Variants in DACH2 observed in about 807,000 individuals in gnomAD.
DACH2 encodes dachshund family transcription factor 2, also known as dachshund homolog 2.
In DACH2, 17 loss-of-function variants were observed where a neutral mutation model predicts 35.8. The ratio of observed to expected loss-of-function variants is 0.48; its 90% CI spans 0.33 to 0.71. The LOEUF (loss-of-function observed/expected upper bound fraction) is 0.71. DACH2 is among the 30% of genes least tolerant of loss of function. The pLI, the probability that DACH2 is intolerant of heterozygous loss-of-function variation, is 0.02. For synonymous variants in DACH2, 195 were observed against 177.3 expected (o/e 1.10, Z -0.79); for missense variants, 469 against 472.7 (o/e 0.99, Z 0.07).
chrX:86,223,180 A>C (rs192569422), intron 1 of DACH2, among the ~76,000 whole-genome samples: 1 of 112,067 alleles, frequency 8.9e-6, no homozygotes, highest in Admixed American at 9.5e-5. Flanking sequence ...GTAAGAGCTC[A>C]TTAATACCTC....
chrX:86,516,428 C>A (rs2038468163), intron 3 of DACH2, among the ~76,000 whole-genome samples: 2 of 110,992 alleles, frequency 1.8e-5, no homozygotes, highest in Non-Finnish European at 1.9e-5. Context: ...ATATTAAGTT[C>A]TTTTTATGTA....
At chrX:86,436,073 C>T (rs1165587592) in intron 2 of DACH2, among the ~76,000 whole-genome samples, 1 of 110,148 alleles carries the variant, frequency 9.1e-6, no homozygotes, top group Non-Finnish European at 1.9e-5. Flanking sequence ...TGAGGGAGAT[C>T]TATAATTCAT....
chrX:86,228,459 A>T (rs1276147350), intron 1 of DACH2, among the ~76,000 whole-genome samples: 1 of 105,483 alleles, frequency 9.5e-6, no homozygotes, highest in East Asian at 2.9e-4. Flanking sequence ...AGGAAAAAAA[A>T]AAAAGAAAAA....
chrX:86,721,560 A>C (rs989546051), intron 6 of DACH2, among the ~76,000 whole-genome samples: 4 of 111,764 alleles, frequency 3.6e-5, no homozygotes, highest in African/African-American at 1.3e-4. Context: ...GTCTCTAGAA[A>C]GTTCCAAACG....
intron 2 of DACH2, among the ~76,000 whole-genome samples, chrX:86,409,938 C>T (rs756992207): frequency 6.3e-5 from 7 of 111,884 alleles, no homozygotes; most frequent in Non-Finnish European, 9.4e-5. Context: ...CAAAGCAGTT[C>T]CCCAAAGGCA....
chrX:86,370,664 C>A (rs1268670763), intron 1 of DACH2, among the ~76,000 whole-genome samples: 1 of 111,526 alleles, frequency 9.0e-6, no homozygotes, highest in African/African-American at 3.3e-5. Context: ...ACAAAGATGA[C>A]ATAGCATTAA....
At chrX:86,280,717 C>T (rs1010524646) in intron 1 of DACH2, among the ~76,000 whole-genome samples, 7 of 111,690 alleles carry the variant, frequency 6.3e-5, no homozygotes, top group Admixed American at 2.9e-4. Context: ...ATCAAACATG[C>T]GAAGACACAC....
intron 6 of DACH2, among the ~76,000 whole-genome samples, chrX:86,736,881 A>G (rs1196804532): frequency 9.0e-6 from 1 of 111,466 alleles, no homozygotes; most frequent in Non-Finnish European, 1.9e-5. Flanking sequence ...TCATTGAATT[A>G]CACATATTTA....
At chrX:86,466,797 G>A (rs890185511) in intron 2 of DACH2, among the ~76,000 whole-genome samples, 1 of 111,204 alleles carries the variant, frequency 9.0e-6, no homozygotes, top group Non-Finnish European at 1.9e-5. Flanking sequence ...CATGGAAGCT[G>A]CCAAGCCTTG....
At chrX:86,316,310 G>A (rs888073335) in intron 1 of DACH2, among the ~76,000 whole-genome samples, 4 of 109,920 alleles carry the variant, frequency 3.6e-5, no homozygotes, top group African/African-American at 6.6e-5. Flanking sequence ...TTATTAAGGC[G>A]CACTGTTTTT....
intron 3 of DACH2, among the ~76,000 whole-genome samples, chrX:86,535,917 C>A (rs2038791969): frequency 9.0e-6 from 1 of 111,272 alleles, no homozygotes; most frequent in South Asian, 3.8e-4. Flanking sequence ...ACCGGAATTG[C>A]AACTTAAGTT....
chrX:86,324,433 A>T (rs2148040398), intron 1 of DACH2, among the ~76,000 whole-genome samples: 1 of 111,563 alleles, frequency 9.0e-6, no homozygotes, highest in African/African-American at 3.3e-5. Flanking sequence ...CTTAGTTGAT[A>T]AAGCAGTGGT....
intron 3 of DACH2, among the ~76,000 whole-genome samples, chrX:86,556,759 TATATA>T (rs2039126718): frequency 1.1e-4 from 1 of 9,078 alleles, no homozygotes; most frequent in Non-Finnish European, 2.0e-4. Context: ...AGGATATGTA[TATATA>T]TATATATATA....
chrX:86,542,485 A>G (rs1367237578), intron 3 of DACH2, among the ~76,000 whole-genome samples: 4 of 111,460 alleles, frequency 3.6e-5, no homozygotes, highest in African/African-American at 6.5e-5. Flanking sequence ...AGTCTGTTAC[A>G]CCTTTGATCT....
chrX:86,480,931 A>G (rs188699278), intron 2 of DACH2: 45 of 112,216 alleles, frequency 4.0e-4, no homozygotes, highest in African/African-American at 1.3e-3. Context: ...ATTAAGAGAT[A>G]CAATATTTAT....
intron 11 of DACH2, among the ~76,000 whole-genome samples, chrX:86,826,705 C>T (rs1363539408): frequency 8.9e-6 from 1 of 111,924 alleles, no homozygotes; most frequent in Non-Finnish European, 1.9e-5. Context: ...AACATATTTC[C>T]ACAACTAAAG....
rs2035818484 is a variant in DACH2 at position 86,367,210 on chromosome X, T to C, written c.489-9614T>C. Among the ~76,000 whole-genome samples the C allele has an allele frequency of 5.1e-5, 3 of 58,840 alleles. No individual in the cohort carries two copies. The Admixed American group carries it at 8.3e-4, about 16-fold the overall frequency. The allele number at this position is 58,840 out of a possible 115,157, so 51.1% of individuals were successfully genotyped here. On this transcript the variant is annotated intron_variant, in intron 1 of 11. Coordinates refer to ENST00000373125, the MANE Select transcript of DACH2 (RefSeq NM_053281.3). The stretch of plus-strand genomic sequence containing the variant: ...ATAGTATAGATTATTGTAAAAGAGA[T>C]GCATAAATTTTAGAAGAAAAACTTG...
chrX:86,343,782 G>A (rs2035452499), intron 1 of DACH2, among the ~76,000 whole-genome samples: 1 of 111,243 alleles, frequency 9.0e-6, no homozygotes, highest in African/African-American at 3.3e-5. Flanking sequence ...TTATATTGAT[G>A]TCCTTAGAAG....
chrX:86,293,995 C>G (rs77363938), intron 1 of DACH2, among the ~76,000 whole-genome samples: 5 of 111,920 alleles, frequency 4.5e-5, no homozygotes, highest in Non-Finnish European at 7.5e-5. Context: ...GGGAAGATCT[C>G]CTGGATAATA....
Sources: allele counts gnomAD v4.1 joint callset (sites outside exome capture counted in the v4.1 genomes callset), GRCh38; gene constraint gnomAD v4.1.1; transcripts MANE v1.5; gene names NCBI Gene and HGNC (gene_info 2026-07-23, HGNC 2026-07-21).